Variants in LUZP2 observed in about 807,000 individuals in gnomAD.
The protein encoded by LUZP2 is leucine zipper protein 2.
A neutral mutation model predicts 51.6 loss-of-function variants in LUZP2; 52 were observed. The observed-to-expected ratio is 1.01, with a 90% CI of 0.81 to 1.27. The LOEUF is 1.27. Among genes scored for constraint, LUZP2 ranks in the 50% most tolerant of loss-of-function variants. The probability of loss-of-function intolerance (pLI) is 0.00; values close to 1 mark genes in which losing one functional copy is unlikely to be tolerated. For missense variants in LUZP2, 436 were observed against 395.4 expected (o/e 1.10, Z -0.87); for synonymous variants, 154 against 137.3 (o/e 1.12, Z -0.85).
intron 1 of LUZP2, among the ~76,000 whole-genome samples, chr11:24,557,942 G>GC (rs1564989436): frequency 6.6e-6 from 1 of 152,088 alleles, no homozygotes. Flanking sequence ...TAATAAAGCT[G>GC]CCCCATGTGT....
At chr11:24,856,159 C>T (rs1016765720) in intron 5 of LUZP2, among the ~76,000 whole-genome samples, 3 of 151,922 alleles carry the variant, frequency 2.0e-5, no homozygotes, top group African/African-American at 7.2e-5. Context: ...TAAACAGTGA[C>T]ACACACCTGC....
At chr11:24,975,066 T>C (rs1030506251) in intron 7 of LUZP2, among the ~76,000 whole-genome samples, 1 of 152,012 alleles carries the variant, frequency 6.6e-6, no homozygotes, top group African/African-American at 2.4e-5. Context: ...ATTTAAAATA[T>C]TAATATGTTG....
intron 1 of LUZP2, among the ~76,000 whole-genome samples, chr11:24,685,309 G>C (rs1446751833): frequency 6.6e-6 from 1 of 151,752 alleles, no homozygotes; most frequent in African/African-American, 2.4e-5. Flanking sequence ...GAATTCTAGG[G>C]GCATGGCAAG....
chr11:24,673,610 G>C (rs1856463405), intron 1 of LUZP2, among the ~76,000 whole-genome samples: 1 of 152,024 alleles, frequency 6.6e-6, no homozygotes, highest in Admixed American at 6.5e-5. Flanking sequence ...TTTAGCTCAG[G>C]GTTTCCAAAT....
intron 1 of LUZP2, among the ~76,000 whole-genome samples, chr11:24,714,059 T>G (rs1173011785): frequency 6.6e-6 from 1 of 151,762 alleles, no homozygotes; most frequent in Admixed American, 6.6e-5. Flanking sequence ...CAAAAGTCAA[T>G]ACAGTATAAA....
chr11:25,015,893 A>AT (rs1178950711), intron 9 of LUZP2, among the ~76,000 whole-genome samples: 2 of 139,370 alleles, frequency 1.4e-5, no homozygotes, highest in African/African-American at 6.1e-5. Flanking sequence ...TGAAGTGTGA[A>AT]TTTCTTTTTT....
At chr11:24,702,142 T>G (rs978989061) in intron 1 of LUZP2, among the ~76,000 whole-genome samples, 1 of 152,230 alleles carries the variant, frequency 6.6e-6, no homozygotes, top group Non-Finnish European at 1.5e-5. Flanking sequence ...TGTGAATTGT[T>G]GGTAGTTATG....
chr11:24,875,885 G>A (rs1015213732), intron 5 of LUZP2, among the ~76,000 whole-genome samples: 2 of 151,554 alleles, frequency 1.3e-5, no homozygotes, highest in Non-Finnish European at 2.9e-5. Context: ...GTGTTTTTTG[G>A]CTGCATAAAT....
In LUZP2 at chr11:25,005,609, A is replaced by G. The variant is rs541018957; in HGVS notation, c.765+22316A>G. Among the ~76,000 whole-genome samples, 656 of 152,128 alleles carry G rather than the reference A, an allele frequency of 4.3e-3. 4 individuals are homozygous for G. Among genetic ancestry groups the G allele is most frequent in the Non-Finnish European group, 6.1e-3 (418 of 68,004 alleles). On this transcript the variant is annotated intron_variant, in intron 9 of 11. Transcript: ENST00000336930. ...TCCCATCTGAAAGACAAAACCACCC[A>G]TGGTTTTGGTTTGTTTGTTTCCCGC...
chr11:24,852,563 A>G lies in LUZP2; in HGVS notation c.397-53428A>G, dbSNP rs544149121. ...TTTTAGAATAAGTGATGTGGTGCTGAGAAGAATGTATATTCTGTTGAGTTG... is the reference window on the plus strand; with the variant it reads ...TTTTAGAATAAGTGATGTGGTGCTGGGAAGAATGTATATTCTGTTGAGTTG... On this transcript the variant is annotated intron_variant, in intron 5 of 11. Coordinates refer to ENST00000336930, the MANE Select transcript of LUZP2 (RefSeq NM_001009909.4). Among the ~76,000 whole-genome samples the G allele has an allele frequency of 2.6e-5, 4 of 152,240 alleles. No homozygotes were observed. In the East Asian group the frequency reaches 7.7e-4, roughly 29 times the overall value.
At chr11:24,872,135 C>A (rs1590667858) in intron 5 of LUZP2, among the ~76,000 whole-genome samples, 2 of 152,200 alleles carry the variant, frequency 1.3e-5, no homozygotes, top group South Asian at 2.1e-4. Flanking sequence ...CAGACACCAT[C>A]CTTCTCAATA....
At chr11:24,864,891 T>G (rs931817333) in intron 5 of LUZP2, among the ~76,000 whole-genome samples, 3 of 152,158 alleles carry the variant, frequency 2.0e-5, no homozygotes, top group African/African-American at 4.8e-5. Flanking sequence ...CAACAAATAT[T>G]TACTCTCCTT....
chr11:24,566,096 A>G (rs1852203547), intron 1 of LUZP2, among the ~76,000 whole-genome samples: 1 of 151,808 alleles, frequency 6.6e-6, no homozygotes, highest in Non-Finnish European at 1.5e-5. Context: ...AATGCGACCC[A>G]TGCACATGAA....
intron 5 of LUZP2, among the ~76,000 whole-genome samples, chr11:24,830,975 C>CAG (rs1174287294): frequency 6.6e-6 from 1 of 151,526 alleles, no homozygotes; most frequent in Non-Finnish European, 1.5e-5. Context: ...GTCTGGGAGA[C>CAG]AGAGAGAGAC....
intron 7 of LUZP2, among the ~76,000 whole-genome samples, chr11:24,958,757 A>T (rs1455540922): frequency 6.6e-6 from 1 of 152,132 alleles, no homozygotes; most frequent in African/African-American, 2.4e-5. Context: ...CTTTAGTTTA[A>T]TTAGATCCCA....
chr11:24,644,976 G>A (rs1053471638), intron 1 of LUZP2, among the ~76,000 whole-genome samples: 7 of 152,112 alleles, frequency 4.6e-5, no homozygotes, highest in Admixed American at 3.3e-4. Context: ...AGTGACTAAT[G>A]TAAATCACTT....
chr11:24,972,139 G>GTA (rs1554948087), intron 7 of LUZP2, among the ~76,000 whole-genome samples: 2 of 32,794 alleles, frequency 6.1e-5, no homozygotes, highest in Non-Finnish European at 1.0e-4. Flanking sequence ...GTGAGACTCC[G>GTA]AAAAAAAAAA....
intron 1 of LUZP2, among the ~76,000 whole-genome samples, chr11:24,672,947 G>A (rs191561114): frequency 7.9e-5 from 12 of 152,300 alleles, no homozygotes; most frequent in Admixed American, 3.3e-4. Flanking sequence ...CAAATCAGCC[G>A]TGGCATTAGA....
intron 7 of LUZP2, among the ~76,000 whole-genome samples, chr11:24,954,697 C>T (rs899732227): frequency 6.6e-6 from 1 of 152,104 alleles, no homozygotes; most frequent in Non-Finnish European, 1.5e-5. Flanking sequence ...TAACAGGACC[C>T]TGCTCCAGCA....
Sources: allele counts gnomAD v4.1 joint callset (sites outside exome capture counted in the v4.1 genomes callset), GRCh38; gene constraint gnomAD v4.1.1; transcripts MANE v1.5; gene names NCBI Gene and HGNC (gene_info 2026-07-23, HGNC 2026-07-21).